ECHDC1: variants seen among roughly 807,000 people sequenced by gnomAD.
The protein encoded by ECHDC1 is ethylmalonyl-CoA decarboxylase.
Under a neutral mutation model 29.7 loss-of-function variants are expected in ECHDC1, and 29 were observed. That is an observed-to-expected ratio of 0.98 (90% CI 0.73 to 1.33). The LOEUF (loss-of-function observed/expected upper bound fraction) is 1.33, where lower values mean the gene tolerates loss of function less well. Ranked by LOEUF, ECHDC1 falls within the 40% of genes most tolerant of loss-of-function variation. The pLI is 0.00. For missense variants in ECHDC1, 328 were observed against 350.0 expected (o/e 0.94, Z 0.50); for synonymous variants, 126 against 123.1 (o/e 1.02, Z -0.15).
intron 5 of ECHDC1, among the ~76,000 whole-genome samples, chr6:127,295,701 G>A (rs542150873): frequency 8.5e-5 from 13 of 152,252 alleles, no homozygotes; most frequent in African/African-American, 1.9e-4. Context: ...AGAAGATAAC[G>A]TGGCTATTAC....
At chr6:127,297,649 C>T (rs116999623) in intron 5 of ECHDC1, among the ~76,000 whole-genome samples, 2,437 of 152,268 alleles carry the variant, frequency 0.016, 43 homozygotes, top group Middle Eastern at 0.054. Context: ...ATGGTAGGCT[C>T]TGTGGGAACC....
chr6:127,297,163 A>C (rs544382149), intron 5 of ECHDC1, among the ~76,000 whole-genome samples: 8 of 152,238 alleles, frequency 5.3e-5, no homozygotes, highest in Admixed American at 1.3e-4. Context: ...AGACTTGTCT[A>C]TCTCTTATGG....
rs1562300556 is a variant in ECHDC1 at position 127,290,254 on chromosome 6, A to G, written c.521T>C (p.Ile174Thr). The change falls in exon 6 of 6, where the codon ATC becomes ACC. Residue 174 changes from isoleucine to threonine, a missense_variant. Transcript: ENST00000454859. ...DFRLMTPESK[I>T]RFVHKEMGII... ...GCCCATCTCTTTGTGGACGAATCTG[A>G]TCTTACTCTCTGGAGTCATTAACCT... is the stretch of plus-strand genomic sequence containing the variant. The G allele has an allele frequency of 6.2e-7, 1 of 1,613,290 alleles. No homozygotes were observed. The highest frequency in any genetic ancestry group is 2.2e-5 in the East Asian group (1 of 44,852).
intron 5 of ECHDC1, 89 bp downstream of exon 5, chr6:127,314,727 G>T: frequency 1.1e-6 from 1 of 926,846 alleles, no homozygotes; most frequent in Non-Finnish European, 1.6e-6. Context: ...TCCTATTTAA[G>T]AATATATAAA....
Position 127,289,890 on chromosome 6 carries a change from C to T in ECHDC1, c.885G>A (p.Lys295=), listed in dbSNP as rs757838064. 6.2e-7 allele frequency: 1 copy of T among 1,607,104 alleles called. No homozygotes were observed. Among genetic ancestry groups the T allele is most frequent in the Non-Finnish European group, 8.5e-7 (1 of 1,177,214 alleles). Residue 295 remains lysine (K), a synonymous_variant, in exon 6 of 6, where the codon AAG becomes AAA. Coordinates refer to ENST00000454859, the MANE Select transcript of ECHDC1 (RefSeq NM_001002030.2). ...GGPANLEAIA[K]KGKFNK ...CCAATTATTTATTAAATTTTCCTTT[C>T]TTAGCAATAGCCTCTAAATTTGCAG...
At chr6:127,321,894 T>C (rs549744120) in intron 3 of ECHDC1, among the ~76,000 whole-genome samples, 3 of 152,128 alleles carry the variant, frequency 2.0e-5, no homozygotes, top group Admixed American at 6.5e-5. Flanking sequence ...TCCCAGCTAC[T>C]TGGGAGGCTG....
At chr6:127,302,162 T>C (rs751294296) in intron 5 of ECHDC1, among the ~76,000 whole-genome samples, 1 of 152,156 alleles carries the variant, frequency 6.6e-6, no homozygotes, top group African/African-American at 2.4e-5. Flanking sequence ...GATTAAATAA[T>C]CTCTGATTAT....
chr6:127,314,223 T>C (rs1367570541), intron 5 of ECHDC1, among the ~76,000 whole-genome samples: 4 of 152,218 alleles, frequency 2.6e-5, no homozygotes, highest in Admixed American at 1.3e-4. Context: ...TTAAACCATG[T>C]CTAAAGCATT....
intron 5 of ECHDC1, chr6:127,313,601 A>C: frequency 2.2e-6 from 1 of 456,078 alleles, no homozygotes; most frequent in South Asian, 1.5e-5. Context: ...ACTGAGACAA[A>C]AAGTTTACTA....
chr6:127,327,127 G>A lies in ECHDC1; in HGVS notation c.238C>T (p.Leu80Phe). The change falls in exon 3 of 6, where the codon CTT becomes TTT. Residue 80 changes from leucine (L) to phenylalanine (F), a missense_variant. By Grantham distance (22) the Leu-to-Phe change is conservative. Transcript: ENST00000454859. ...NAFSGVMMLQLLEKVIELENW... is the reference protein window; with the variant it reads ...NAFSGVMMLQFLEKVIELENW... ...TCCAATTCAATTACTTTTTCCAGAA[G>A]TTGTAGCATCATAACACCTGCCAGA... is the stretch of plus-strand genomic sequence containing the variant. 6.2e-7 allele frequency: 1 copy of A among 1,613,772 alleles called. No homozygotes were observed. The highest frequency in any genetic ancestry group is 8.5e-7 in the Non-Finnish European group (1 of 1,179,878).
chr6:127,325,414 GTTTCTTT>G (rs1554244941), intron 3 of ECHDC1, among the ~76,000 whole-genome samples: 9 of 152,124 alleles, frequency 5.9e-5, no homozygotes, highest in Non-Finnish European at 1.0e-4. Context: ...GAAGTGTGGA[GTTTCTTT>G]TTTCTTTTTA....
chr6:127,320,975 G>A (rs921707205), intron 3 of ECHDC1, among the ~76,000 whole-genome samples: 2 of 151,846 alleles, frequency 1.3e-5, no homozygotes, highest in Non-Finnish European at 2.9e-5. Context: ...GGTACATGAG[G>A]GTTTCACTGT....
At chr6:127,310,975 C>T (rs1781849133) in intron 5 of ECHDC1, among the ~76,000 whole-genome samples, 3 of 152,102 alleles carry the variant, frequency 2.0e-5, no homozygotes, top group Admixed American at 6.5e-5. Context: ...AATAAATTAC[C>T]TTTTAATTAA....
At chr6:127,307,821 T>G (rs1462817615) in intron 5 of ECHDC1, among the ~76,000 whole-genome samples, 1 of 150,078 alleles carries the variant, frequency 6.7e-6, no homozygotes, top group African/African-American at 2.4e-5. Context: ...ACATTATAAC[T>G]GATACTGCAG....
intron 5 of ECHDC1, among the ~76,000 whole-genome samples, chr6:127,309,770 C>T (rs1003611637): frequency 6.6e-6 from 1 of 152,118 alleles, no homozygotes; most frequent in African/African-American, 2.4e-5. Flanking sequence ...GCTGGGGAGG[C>T]CTCCAGAAAT....
At chr6:127,316,423 C>G (rs753410702) in intron 4 of ECHDC1, 27 bp downstream of exon 4, 1 of 1,580,412 alleles carries the variant, frequency 6.3e-7, no homozygotes, top group African/African-American at 1.4e-5. Flanking sequence ...TTTTAGAAAT[C>G]ATATTTTAAA....
chr6:127,311,028 TAAC>T (rs1198923740), intron 5 of ECHDC1, among the ~76,000 whole-genome samples: 2 of 152,150 alleles, frequency 1.3e-5, no homozygotes, highest in Non-Finnish European at 2.9e-5. Context: ...ATTACATACT[TAAC>T]AGACTATAGT....
intron 1 of ECHDC1, among the ~76,000 whole-genome samples, chr6:127,335,168 C>T (rs1784323598): frequency 6.6e-6 from 1 of 152,032 alleles, no homozygotes. Flanking sequence ...ATCTGGTTTC[C>T]ACTTTAAGTC....
intron 5 of ECHDC1, among the ~76,000 whole-genome samples, chr6:127,307,141 T>C (rs1214880658): frequency 1.3e-5 from 2 of 152,042 alleles, no homozygotes; most frequent in African/African-American, 4.8e-5. Context: ...AAGTACAACA[T>C]ACCAAAACCT....
Sources: allele counts gnomAD v4.1 joint callset (sites outside exome capture counted in the v4.1 genomes callset), GRCh38; gene constraint gnomAD v4.1.1; transcripts MANE v1.5; gene names NCBI Gene and HGNC (gene_info 2026-07-23, HGNC 2026-07-21).